NARS1: variants seen among roughly 807,000 people sequenced by gnomAD.
NARS1 encodes asparaginyl-tRNA synthetase 1.
Under a neutral mutation model 79.2 loss-of-function variants are expected in NARS1, and 65 were observed. The ratio of observed to expected loss-of-function variants is 0.82; its 90% CI spans 0.67 to 1.01. The LOEUF is 1.01. NARS1 is among the 50% of genes least tolerant of loss of function. The pLI is 0.00. For missense variants in NARS1, 649 were observed against 673.8 expected (o/e 0.96, Z 0.41); for synonymous variants, 229 against 238.8 (o/e 0.96, Z 0.38).
rs778721061 is a variant in NARS1, at chr18:57,602,879, C to T, written c.1316G>A (p.Arg439Gln). The T allele has an allele frequency of 1.5e-5, 25 of 1,613,900 alleles. No individual in the cohort carries two copies. Among genetic ancestry groups the T allele is most frequent in the Non-Finnish European group, 1.9e-5 (23 of 1,179,950 alleles). ...DTINEPILLC[R>Q]FPVEIKSFYM... The stretch of plus-strand genomic sequence containing the variant: ...GAAGGACTTGATCTCCACAGGAAAT[C>T]GACACAGCAAGATTGGTTCATTAAT... The change falls in exon 12 of 14, where the codon CGA becomes CAA. Residue 439 changes from arginine to glutamine, a missense_variant. Physicochemically the swap from Arg to Gln is conservative, Grantham distance 43. Coordinates refer to ENST00000256854, the MANE Select transcript of NARS1 (RefSeq NM_004539.4).
intron 7 of NARS1, 69 bp downstream of exon 7, chr18:57,609,288 C>A (rs1232372880): frequency 8.5e-6 from 11 of 1,291,908 alleles, no homozygotes; most frequent in African/African-American, 7.3e-5. Flanking sequence ...AATGTACAAA[C>A]AAAGACACTG....
chr18:57,614,522 A>G (rs1325764142), intron 4 of NARS1, among the ~76,000 whole-genome samples: 1 of 152,156 alleles, frequency 6.6e-6, no homozygotes, highest in East Asian at 1.9e-4. Context: ...AAATAATAAA[A>G]TAAAATAAGA....
intron 1 of NARS1, among the ~76,000 whole-genome samples, chr18:57,621,158 T>C (rs1908281036): frequency 6.6e-6 from 1 of 152,104 alleles, no homozygotes; most frequent in Non-Finnish European, 1.5e-5. Flanking sequence ...CAGCTCCCTC[T>C]GGACTTTAAA....
rs909214788 is a variant in NARS1, at chr18:57,613,740, T to C, written c.343-60A>G. The C allele has an allele frequency of 7.3e-6, 10 of 1,378,148 alleles. No individual in the cohort carries two copies. The African/African-American group carries it at 1.0e-4, about 14-fold the overall frequency. The allele number at this position is 1,378,148 out of a possible 1,614,324, so 85.4% of individuals were successfully genotyped here. On this transcript the variant is annotated intron_variant, in intron 4 of 13. Coordinates refer to ENST00000256854, the MANE Select transcript of NARS1 (RefSeq NM_004539.4). ...ATGTCATTTATACACACCAACTTTTTCACTAATATTAGGCAGACGGTAGTA... is the reference window on the plus strand; with the variant it reads ...ATGTCATTTATACACACCAACTTTTCCACTAATATTAGGCAGACGGTAGTA...
At chr18:57,620,259 G>T (rs1908243284) in intron 2 of NARS1, among the ~76,000 whole-genome samples, 1 of 152,054 alleles carries the variant, frequency 6.6e-6, no homozygotes, top group African/African-American at 2.4e-5. Flanking sequence ...TGTAACTGAG[G>T]AAAGGTAACT....
rs965990560 is a variant in NARS1 at position 57,612,096 on chromosome 18, A to G, written c.422-389T>C. Among the ~76,000 whole-genome samples the G allele has an allele frequency of 3.3e-5, 5 of 152,304 alleles. 1 individual carries two copies. The highest frequency in any genetic ancestry group is 6.8e-3 in the Middle Eastern group (2 of 294). On this transcript the variant is annotated intron_variant, in intron 5 of 13. Coordinates refer to ENST00000256854, the MANE Select transcript of NARS1 (RefSeq NM_004539.4). ...TCTAAAGGAAACTCCAAGGTTAAAC[A>G]TTCAAGTTCAGACCTCCCACATGGC...
chr18:57,607,499 C>A lies in NARS1; in HGVS notation c.746G>T (p.Arg249Leu), dbSNP rs747083920. 4.3e-6 allele frequency: 7 copies of A among 1,614,030 alleles called. No individual in the cohort carries two copies. The highest frequency in any genetic ancestry group is 5.9e-6 in the Non-Finnish European group (7 of 1,180,030). ...GENMSKILKARSMVTRCFRDH... is the reference protein window; with the variant it reads ...GENMSKILKALSMVTRCFRDH... ...TCTAAAGCACCTGGTGACCATGGAT[C>A]GTGCTTTTAGGATTTTGGACATGTT... Residue 249 changes from arginine (R) to leucine (L), a missense_variant, in exon 8 of 14, where the codon CGA (arginine) becomes CTA (leucine). Physicochemically the swap from Arg to Leu is moderately radical, Grantham distance 102 (BLOSUM62 -2). Coordinates refer to ENST00000256854, the MANE Select transcript of NARS1 (RefSeq NM_004539.4).
At chr18:57,619,689 G>A (rs368049571) in intron 2 of NARS1, among the ~76,000 whole-genome samples, 10 of 152,140 alleles carry the variant, frequency 6.6e-5, no homozygotes, top group African/African-American at 2.2e-4. Flanking sequence ...CCCATGTTGT[G>A]AGTCCAAGCC....
At chr18:57,621,621 G>C in intron 1 of NARS1, 87 bp downstream of exon 1, 3 of 1,044,996 alleles carry the variant, frequency 2.9e-6, no homozygotes, top group Non-Finnish European at 4.3e-6. Context: ...CACTCTGGTA[G>C]GCACTAAGGA....
chr18:57,602,653 A>G, intron 12 of NARS1, 159 bp downstream of exon 12: 1 of 1,193,598 alleles, frequency 8.4e-7, no homozygotes, highest in Non-Finnish European at 1.2e-6. Flanking sequence ...AAAGCATGTC[A>G]ACTTCAATCA....
chr18:57,621,368 T>C (rs1352977151), intron 1 of NARS1, among the ~76,000 whole-genome samples: 1 of 152,142 alleles, frequency 6.6e-6, no homozygotes, highest in Non-Finnish European at 1.5e-5. Context: ...GACGATCACT[T>C]TGAAGAACTG....
rs746648378 is a variant in NARS1, at chr18:57,621,763, C to G, written c.-46G>C. ...CCTCCAAGGACACAGACTGCAACAC[C>G]GACGCCGTCTTATGACTCCAACGTG... On this transcript the variant is annotated 5_prime_UTR_variant, in exon 1 of 14. Transcript: ENST00000256854. 3 of 1,613,522 alleles carry G rather than the reference C, an allele frequency of 1.9e-6. No individual in the cohort carries two copies. Among genetic ancestry groups the G allele is most frequent in the Non-Finnish European group, 2.5e-6 (3 of 1,179,966 alleles).
chr18:57,613,455 T>G, intron 5 of NARS1, 147 bp downstream of exon 5: 1 of 650,900 alleles, frequency 1.5e-6, no homozygotes, highest in Non-Finnish European at 2.6e-6. Flanking sequence ...ATAGCACCAC[T>G]GCACTCCAGC....
intron 1 of NARS1, among the ~76,000 whole-genome samples, chr18:57,621,341 T>C (rs1908293528): frequency 6.7e-6 from 1 of 150,352 alleles, no homozygotes; most frequent in South Asian, 2.1e-4. Flanking sequence ...ACAACTAGAA[T>C]CCTAAAGCCC....
At position 57,607,462 on chromosome 18, in the gene NARS1, AAAG is replaced by A. The variant is rs1266770297; in HGVS notation, c.780_782del (p.Phe261del). 1.2e-6 allele frequency: 2 copies of A among 1,614,106 alleles called. No homozygotes were observed. The highest frequency in any genetic ancestry group is 1.7e-6 in the Non-Finnish European group (2 of 1,179,984). On this transcript the variant is annotated inframe_deletion, in exon 8 of 14. Transcript: ENST00000256854. ...TACTTACTTCATAGTACCCCCTATC[AAAG>A]AAGTGATCTCTAAAGCACCTGGTGA...
intron 8 of NARS1, 51 bp from the exon 9 acceptor site, chr18:57,607,384 T>C (rs748355881): frequency 5.6e-6 from 9 of 1,610,550 alleles, no homozygotes; most frequent in Non-Finnish European, 5.1e-6. Flanking sequence ...AGCACCACTA[T>C]TCAAGTTTCA....
intron 6 of NARS1, among the ~76,000 whole-genome samples, chr18:57,610,076 T>C (rs972115305): frequency 1.3e-5 from 2 of 152,042 alleles, no homozygotes; most frequent in African/African-American, 4.8e-5. Flanking sequence ...ACAGAGCCCA[T>C]CTACACTATA....
chr18:57,610,169 C>T (rs1183967987), intron 6 of NARS1, among the ~76,000 whole-genome samples: 1 of 152,174 alleles, frequency 6.6e-6, no homozygotes, highest in Non-Finnish European at 1.5e-5. Flanking sequence ...CCTGAACCCA[C>T]TAGTCATAAA....
intron 6 of NARS1, among the ~76,000 whole-genome samples, chr18:57,609,935 T>C (rs113771913): frequency 2.6e-5 from 4 of 152,090 alleles, no homozygotes; most frequent in African/African-American, 9.6e-5. Context: ...TAGTCCTAAC[T>C]ACTCGGGAGG....
Sources: gnomAD v4.1 joint callset for allele counts (sites outside exome capture counted in the v4.1 genomes callset) on GRCh38, gnomAD v4.1.1 for gene constraint, MANE v1.5 for transcripts, NCBI Gene and HGNC (gene_info 2026-07-23, HGNC 2026-07-21) for gene names.